Variants in DNM3 observed in about 807,000 individuals in gnomAD.
DNM3 encodes dynamin-3.
Under a neutral mutation model 101.6 loss-of-function variants are expected in DNM3, and 47 were observed. That is an observed-to-expected ratio of 0.46 (90% CI 0.37 to 0.59). The LOEUF (loss-of-function observed/expected upper bound fraction) is 0.59, where lower values mean the gene tolerates loss of function less well. Ranked by LOEUF, DNM3 falls within the 20% of genes least tolerant of loss-of-function variation. The pLI is 0.00. For missense variants in DNM3, 849 were observed against 1,085.7 expected, an observed-to-expected ratio of 0.78 and a Z score of 3.06; for synonymous variants, 385 against 387.9, an observed-to-expected ratio of 0.99 and a Z score of 0.09.
At chr1:171,890,896 G>A (rs796645104) in intron 1 of DNM3, among the ~76,000 whole-genome samples, 21 of 152,208 alleles carry the variant, frequency 1.4e-4, no homozygotes, top group African/African-American at 5.1e-4. Context: ...TTGAACTCCT[G>A]GCCTCAAGTA....
At chr1:172,132,836 CA>C in intron 14 of DNM3, 1 of 743,458 alleles carries the variant, frequency 1.3e-6, no homozygotes, top group South Asian at 1.5e-5. Context: ...AAAAATAAAA[CA>C]AAACCTTTTT....
chr1:172,073,792 C>T (rs2125957873), intron 11 of DNM3, among the ~76,000 whole-genome samples: 1 of 152,306 alleles, frequency 6.6e-6, no homozygotes, highest in Non-Finnish European at 1.5e-5. Context: ...TAGCAAATCT[C>T]AGCATCCTGG....
In DNM3 at chr1:172,317,151, C is replaced by T. The variant is rs530157554; in HGVS notation, c.1882-6178C>T. 6.9e-3 allele frequency among the ~76,000 whole-genome samples: 1,048 copies of T among 150,898 alleles called. 9 individuals carry two copies. Among genetic ancestry groups the T allele is most frequent in the African/African-American group, 0.024 (990 of 40,982 alleles). ...TCCTGAATGACTACTGGGTACATAA[C>T]GAAATGAAGGCAGAAATAAAGATGT... is the stretch of plus-strand genomic sequence containing the variant. On this transcript the variant is annotated intron_variant, in intron 16 of 20. Transcript: ENST00000627582.
chr1:171,884,403 A>G (rs2036583618), intron 1 of DNM3, among the ~76,000 whole-genome samples: 1 of 152,128 alleles, frequency 6.6e-6, no homozygotes, highest in African/African-American at 2.4e-5. Flanking sequence ...AGTTACCCAT[A>G]TATGTTATCT....
At chr1:172,081,650 C>T (rs2053157313) in intron 11 of DNM3, among the ~76,000 whole-genome samples, 182 bp from the exon 12 acceptor site, 1 of 152,122 alleles carries the variant, frequency 6.6e-6, no homozygotes, top group South Asian at 2.1e-4. Context: ...AGATTTTTAA[C>T]TTATGAATTT....
At chr1:172,377,555 T>TATATATATAC (rs2068670955) in intron 17 of DNM3, among the ~76,000 whole-genome samples, 1 of 32,170 alleles carries the variant, frequency 3.1e-5, no homozygotes, top group South Asian at 8.5e-4. Flanking sequence ...ATATATATCA[T>TATATATATAC]ATATATATAT....
rs547813529 is a variant in DNM3, at chr1:172,368,915, T to C, written c.1894-10103T>C. ...GATACATTCCTGGGCACATACAAGC[T>C]ACCAAGATTGAACCAGGAAGAAATG... On this transcript the variant is annotated intron_variant, in intron 17 of 20. Transcript: ENST00000627582. Among the ~76,000 whole-genome samples the C allele has an allele frequency of 3.9e-5, 6 of 151,964 alleles. No individual in the cohort carries two copies. In the East Asian group the frequency reaches 1.2e-3, roughly 29 times the overall value.
intron 15 of DNM3, among the ~76,000 whole-genome samples, chr1:172,268,912 A>AT (rs1479931309): frequency 6.6e-6 from 1 of 152,152 alleles, no homozygotes; most frequent in Non-Finnish European, 1.5e-5. Flanking sequence ...TTTTGGAGGA[A>AT]TTCTTCATGC....
At chr1:172,069,007 A>G (rs186863988) in intron 11 of DNM3, 102 bp downstream of exon 11, 2 of 797,042 alleles carry the variant, frequency 2.5e-6, no homozygotes, top group East Asian at 3.0e-5. Flanking sequence ...CGCTTAAAGG[A>G]AAAAAAAATA....
chr1:171,850,787 A>G (rs1279460200), intron 1 of DNM3, among the ~76,000 whole-genome samples: 2 of 141,198 alleles, frequency 1.4e-5, no homozygotes, highest in African/African-American at 2.7e-5. Flanking sequence ...TTTTTTCCTC[A>G]GAGTAAGTTA....
chr1:172,084,247 T>A (rs1304950885), intron 12 of DNM3, among the ~76,000 whole-genome samples: 1 of 152,146 alleles, frequency 6.6e-6, no homozygotes, highest in Non-Finnish European at 1.5e-5. Context: ...GTGGAAATCC[T>A]TTAAAAAAAA....
chr1:172,118,505 CTGTT>C (rs1443404280), intron 13 of DNM3, among the ~76,000 whole-genome samples: 2 of 152,016 alleles, frequency 1.3e-5, no homozygotes, highest in African/African-American at 4.8e-5. Flanking sequence ...AACTGATTCT[CTGTT>C]TGATATGTTT....
intron 14 of DNM3, among the ~76,000 whole-genome samples, chr1:172,190,735 G>A (rs1480842483): frequency 6.6e-6 from 1 of 152,166 alleles, no homozygotes; most frequent in Admixed American, 6.5e-5. Flanking sequence ...GTATCTCATT[G>A]TGGTTTTGAT....
At chr1:171,907,275 T>C (rs2038907232) in intron 1 of DNM3, among the ~76,000 whole-genome samples, 1 of 152,176 alleles carries the variant, frequency 6.6e-6, no homozygotes, top group South Asian at 2.1e-4. Flanking sequence ...GCAGATCACC[T>C]GAGGTTGGGA....
intron 15 of DNM3, among the ~76,000 whole-genome samples, chr1:172,256,454 A>G (rs1166008444): frequency 6.6e-6 from 1 of 151,948 alleles, no homozygotes; most frequent in African/African-American, 2.4e-5. Flanking sequence ...TTTCTAGAAC[A>G]TTGTCCATTC....
At chr1:172,107,157 G>T (rs559250986) in intron 13 of DNM3, among the ~76,000 whole-genome samples, 1 of 152,126 alleles carries the variant, frequency 6.6e-6, no homozygotes, top group South Asian at 2.1e-4. Context: ...ACCGCGCCCG[G>T]CCGGTAACAT....
chr1:172,032,838 A>G (rs1432048257), intron 5 of DNM3, among the ~76,000 whole-genome samples: 2 of 152,080 alleles, frequency 1.3e-5, no homozygotes, highest in Non-Finnish European at 2.9e-5. Context: ...GCTATATGAC[A>G]AAACTGCTAA....
At chr1:172,088,365 G>A (rs752708392) in intron 12 of DNM3, among the ~76,000 whole-genome samples, 3 of 152,120 alleles carry the variant, frequency 2.0e-5, no homozygotes, top group Non-Finnish European at 4.4e-5. Context: ...GGTCTGGGCT[G>A]ACTGCTTCCT....
intron 4 of DNM3, among the ~76,000 whole-genome samples, chr1:171,998,528 A>G (rs542588880): frequency 2.7e-4 from 41 of 152,138 alleles, no homozygotes; most frequent in Non-Finnish European, 4.9e-4. Context: ...TTAACAAATA[A>G]TGAATGCTCA....
Sources: allele counts gnomAD v4.1 joint callset (sites outside exome capture counted in the v4.1 genomes callset), GRCh38; gene constraint gnomAD v4.1.1; transcripts MANE v1.5; gene names NCBI Gene and HGNC (gene_info 2026-07-23, HGNC 2026-07-21).